Variants in DCLK1 observed in about 807,000 individuals in gnomAD.
DCLK1 encodes doublecortin like kinase 1.
A neutral mutation model predicts 86.2 loss-of-function variants in DCLK1; 16 were observed. The ratio of observed to expected loss-of-function variants is 0.19; its 90% CI spans 0.13 to 0.28. DCLK1 has a LOEUF of 0.28. Among genes scored for constraint, DCLK1 ranks in the 10% least tolerant of loss-of-function variants. The pLI, the probability that DCLK1 is intolerant of heterozygous loss-of-function variation, is 1.00. For missense variants in DCLK1, 590 were observed against 940.2 expected (o/e 0.63, Z 4.87); for synonymous variants, 369 against 370.5 (o/e 1.00, Z 0.05).
At chr13:35,865,968 G>T (rs1871759151) in intron 5 of DCLK1, among the ~76,000 whole-genome samples, 2 of 152,102 alleles carry the variant, frequency 1.3e-5, no homozygotes, top group Non-Finnish European at 2.9e-5. Flanking sequence ...CTCAAATTAG[G>T]CACTAGATTA....
At chr13:35,990,441 C>T (rs1269444651) in intron 3 of DCLK1, among the ~76,000 whole-genome samples, 2 of 152,012 alleles carry the variant, frequency 1.3e-5, no homozygotes, top group African/African-American at 4.8e-5. Flanking sequence ...CCTCTGATCT[C>T]TGCTTGAGTT....
At chr13:36,050,907 G>A (rs952824284) in intron 3 of DCLK1, among the ~76,000 whole-genome samples, 1 of 152,116 alleles carries the variant, frequency 6.6e-6, no homozygotes, top group Non-Finnish European at 1.5e-5. Context: ...CAGGAATGAG[G>A]AGTGCCAGTA....
chr13:35,921,161 T>C (rs996437721), intron 4 of DCLK1, among the ~76,000 whole-genome samples: 45 of 152,286 alleles, frequency 3.0e-4, no homozygotes, highest in African/African-American at 9.6e-4. Context: ...CATCCTATTA[T>C]TCCCAGGATA....
intron 3 of DCLK1, among the ~76,000 whole-genome samples, chr13:35,985,340 G>A (rs1879848016): frequency 6.6e-6 from 1 of 151,782 alleles, no homozygotes; most frequent in Admixed American, 6.6e-5. Flanking sequence ...GGCACTGGCA[G>A]GCCCTTTAGA....
rs1886168412 is a variant in DCLK1 at position 36,126,071 on chromosome 13, G to C, written c.67C>G (p.Arg23Gly). 1 of 1,612,626 alleles carries C rather than the reference G, an allele frequency of 6.2e-7. No homozygotes were observed. Among genetic ancestry groups the C allele is most frequent in the Non-Finnish European group, 8.5e-7 (1 of 1,179,948 alleles). Reference sequence around the variant, plus strand: ...GGCAGGCCGTTCACCCGCGACCCTCGGCTGTATCTCTGCGCCTTATCCCGC... The same window carrying C: ...GGCAGGCCGTTCACCCGCGACCCTCCGCTGTATCTCTGCGCCTTATCCCGC... ...DERDKAQRYS[R>G]GSRVNGLPSP... Residue 23 changes from arginine (R) to glycine (G), a missense_variant, in exon 2 of 17, where the codon CGA (arginine) becomes GGA (glycine). Coordinates refer to ENST00000360631, the MANE Select transcript of DCLK1 (RefSeq NM_001330071.2).
intron 11 of DCLK1, among the ~76,000 whole-genome samples, chr13:35,815,217 G>C (rs189904870): frequency 6.6e-6 from 1 of 152,238 alleles, no homozygotes; most frequent in Admixed American, 6.5e-5. Context: ...GCATATGCTT[G>C]ATTTCCCTTG....
At chr13:35,833,247 A>T (rs145334784) in intron 8 of DCLK1, among the ~76,000 whole-genome samples, 51 of 152,236 alleles carry the variant, frequency 3.4e-4, no homozygotes, top group Middle Eastern at 3.4e-3. Flanking sequence ...CGGGGGCACC[A>T]TCCCTGCTCA....
At chr13:36,054,758 C>T (rs1453907321) in intron 3 of DCLK1, among the ~76,000 whole-genome samples, 1 of 152,146 alleles carries the variant, frequency 6.6e-6, no homozygotes, top group East Asian at 1.9e-4. Flanking sequence ...GATAAGGAAA[C>T]AGAAGCTAGG....
intron 3 of DCLK1, among the ~76,000 whole-genome samples, chr13:36,040,403 A>C (rs1882660585): frequency 7.1e-6 from 1 of 141,078 alleles, no homozygotes. Flanking sequence ...GTATCCCTCA[A>C]ACTGTCAAGG....
chr13:35,854,697 A>G (rs1029631311), intron 5 of DCLK1, 104 bp from the exon 6 acceptor site: 13 of 960,340 alleles, frequency 1.4e-5, no homozygotes, highest in Admixed American at 1.3e-4. Context: ...AGAGCCATCT[A>G]CTAGAACTCT....
At chr13:35,835,670 C>T (rs1002565079) in intron 8 of DCLK1, among the ~76,000 whole-genome samples, 1 of 152,192 alleles carries the variant, frequency 6.6e-6, no homozygotes, top group Non-Finnish European at 1.5e-5. Flanking sequence ...GTATGCATTA[C>T]AGACATATAC....
chr13:36,093,748 T>C (rs1176620570), intron 3 of DCLK1, among the ~76,000 whole-genome samples: 1 of 152,114 alleles, frequency 6.6e-6, no homozygotes, highest in Non-Finnish European at 1.5e-5. Context: ...AATTTTGACA[T>C]TTTTTAGTGA....
At chr13:35,887,757 A>G (rs1217603115) in intron 4 of DCLK1, among the ~76,000 whole-genome samples, 1 of 151,990 alleles carries the variant, frequency 6.6e-6, no homozygotes, top group Non-Finnish European at 1.5e-5. Flanking sequence ...CAATAAAAAT[A>G]GAAGCTTTCA....
chr13:36,031,751 A>G (rs1285911548), intron 3 of DCLK1, among the ~76,000 whole-genome samples: 1 of 152,184 alleles, frequency 6.6e-6, no homozygotes, highest in African/African-American at 2.4e-5. Context: ...CTGATCCCCT[A>G]TGCGATTTGT....
intron 15 of DCLK1, among the ~76,000 whole-genome samples, chr13:35,794,633 A>G (rs1317686124): frequency 6.6e-6 from 1 of 152,216 alleles, no homozygotes; most frequent in Non-Finnish European, 1.5e-5. Context: ...GGGAGAAACG[A>G]TGGCGAGCAA....
At chr13:35,947,509 A>G (rs749760435) in intron 3 of DCLK1, 52 bp from the exon 4 acceptor site, 2 of 1,453,976 alleles carry the variant, frequency 1.4e-6, no homozygotes, top group Admixed American at 3.4e-5. Flanking sequence ...AGCAATTACA[A>G]CAATGCAACC....
chr13:35,784,604 C>T (rs1186494123), intron 16 of DCLK1, among the ~76,000 whole-genome samples: 7 of 152,198 alleles, frequency 4.6e-5, no homozygotes, highest in African/African-American at 1.4e-4. Flanking sequence ...TCTCTCTAAT[C>T]ACAGTTTGAG....
chr13:35,958,021 ACAC>A (rs994390803), intron 3 of DCLK1, among the ~76,000 whole-genome samples: 8 of 4,538 alleles, frequency 1.8e-3, no homozygotes, highest in Non-Finnish European at 3.1e-3. Flanking sequence ...TCACCATCAC[ACAC>A]CACAACTACC....
At chr13:35,878,672 ATGTT>A (rs1872717432) in intron 4 of DCLK1, among the ~76,000 whole-genome samples, 1 of 152,176 alleles carries the variant, frequency 6.6e-6, no homozygotes, top group South Asian at 2.1e-4. Context: ...ATTGGAATAA[ATGTT>A]TGAGGTGATG....
Sources: allele counts gnomAD v4.1 joint callset (sites outside exome capture counted in the v4.1 genomes callset), GRCh38; gene constraint gnomAD v4.1.1; transcripts MANE v1.5; gene names NCBI Gene and HGNC (gene_info 2026-07-23, HGNC 2026-07-21).